Variants in ABCB1 observed in about 807,000 individuals in gnomAD.
ABCB1 encodes ATP binding cassette subfamily B member 1.
Under a neutral mutation model 142.0 loss-of-function variants are expected in ABCB1, and 69 were observed. The ratio of observed to expected loss-of-function variants is 0.49; its 90% CI spans 0.40 to 0.59. The LOEUF (loss-of-function observed/expected upper bound fraction) is 0.59. Ranked by LOEUF, ABCB1 falls within the 20% of genes least tolerant of loss-of-function variation. ABCB1 has a pLI of 0.00. For synonymous variants in ABCB1, 532 were observed against 539.2 expected, an observed-to-expected ratio of 0.99 and a Z score of 0.18; for missense variants, 1,326 against 1,554.7, an observed-to-expected ratio of 0.85 and a Z score of 2.47.
intron 1 of ABCB1, among the ~76,000 whole-genome samples, chr7:87,678,655 G>C (rs1585078673): frequency 6.6e-6 from 1 of 151,984 alleles, no homozygotes; most frequent in African/African-American, 2.4e-5. Context: ...GAGATTTTTT[G>C]ACTGGGTAAA....
chr7:87,603,758 C>A (rs1159301324), upstream of ABCB1, among the ~76,000 whole-genome samples: 3 of 152,154 alleles, frequency 2.0e-5, no homozygotes, highest in Non-Finnish European at 2.9e-5. Context: ...ACTTCAAAGG[C>A]AGAAAAACTT....
At chr7:87,580,379 C>T (rs1818458107) in intron 4 of ABCB1, among the ~76,000 whole-genome samples, 1 of 152,220 alleles carries the variant, frequency 6.6e-6, no homozygotes, top group African/African-American at 2.4e-5. Context: ...ACGCTACTCT[C>T]TTCAGACCTG....
Position 87,531,422 on chromosome 7 carries a change from A to T in ABCB1, c.2557T>A (p.Tyr853Asn), listed in dbSNP as rs557586335. Residue 853 changes from tyrosine to asparagine, a missense_variant, in exon 21 of 28, where the codon TAT becomes AAT. Transcript: ENST00000622132. Reference sequence around the variant, plus strand: ...AGTAACAGTGTTAGTTGCCAACCATAGATGAAGGATATAATTATTCCTGTC... The same window carrying T: ...AGTAACAGTGTTAGTTGCCAACCATTGATGAAGGATATAATTATTCCTGTC... ...LGTGIIISFIYGWQLTLLLLA... is the reference protein window; with the variant it reads ...LGTGIIISFINGWQLTLLLLA... 1.2e-6 allele frequency: 2 copies of T among 1,613,526 alleles called. No homozygotes were observed. The highest frequency in any genetic ancestry group is 2.2e-5 in the South Asian group (2 of 91,076).
Position 87,550,262 on chromosome 7 carries a change from C to T in ABCB1, c.1259G>A (p.Gly420Glu), listed in dbSNP as rs1584871577. The stretch of plus-strand genomic sequence containing the variant: ...GTTTCCAACCAGGGCCACCGTCTGC[C>T]CACTCTGCACCTTCAGGTTCAGACC... ...LKGLNLKVQS[G>E]QTVALVGNSG... is the part of the protein sequence containing the mutation. The change falls in exon 12 of 28, where the codon GGG becomes GAG. Residue 420 changes from glycine (G) to glutamate (E), a missense_variant. Coordinates refer to ENST00000622132, the MANE Select transcript of ABCB1 (RefSeq NM_001348946.2). The T allele has an allele frequency of 6.2e-7, 1 of 1,614,194 alleles. No individual in the cohort carries two copies. The highest frequency in any genetic ancestry group is 8.5e-7 in the Non-Finnish European group (1 of 1,180,030).
chr7:87,580,591 T>G (rs1240624305), intron 4 of ABCB1, among the ~76,000 whole-genome samples: 1 of 152,214 alleles, frequency 6.6e-6, no homozygotes, highest in Non-Finnish European at 1.5e-5. Context: ...TACTGATATC[T>G]TTCTTTAGGC....
intron 1 of ABCB1, among the ~76,000 whole-genome samples, chr7:87,625,876 T>C (rs998649847): frequency 6.6e-6 from 1 of 151,916 alleles, no homozygotes; most frequent in Non-Finnish European, 1.5e-5. Context: ...AAAGTCTGAC[T>C]AAATTGTTTT....
chr7:87,646,492 C>T (rs1268436825), intron 1 of ABCB1, among the ~76,000 whole-genome samples: 1 of 152,092 alleles, frequency 6.6e-6, no homozygotes, highest in African/African-American at 2.4e-5. Context: ...GCATTACTAT[C>T]TTAAATGGCA....
At chr7:87,542,475 C>T (rs370704037) in intron 17 of ABCB1, among the ~76,000 whole-genome samples, 6 of 152,080 alleles carry the variant, frequency 3.9e-5, no homozygotes, top group Admixed American at 1.3e-4. Flanking sequence ...CCAGGCAATC[C>T]GATGCAGAGC....
upstream of ABCB1, among the ~76,000 whole-genome samples, chr7:87,603,882 G>A (rs572832244): frequency 2.6e-5 from 4 of 152,204 alleles, no homozygotes; most frequent in Admixed American, 2.6e-4. Context: ...TAATGTTATG[G>A]CAAGATTAAG....
At chr7:87,541,892 C>T (rs1816555878) in intron 17 of ABCB1, among the ~76,000 whole-genome samples, 1 of 152,200 alleles carries the variant, frequency 6.6e-6, no homozygotes, top group East Asian at 1.9e-4. Flanking sequence ...GTCATTCACT[C>T]AGCCCAGGCC....
intron 1 of ABCB1, among the ~76,000 whole-genome samples, chr7:87,711,317 ACT>A (rs944592273): frequency 6.6e-6 from 1 of 151,498 alleles, no homozygotes; most frequent in Non-Finnish European, 1.5e-5. Context: ...CAAGAGAGAA[ACT>A]CTGTCTCAAA....
At chr7:87,600,298 G>C (rs954039508) in intron 1 of ABCB1, 108 bp from the exon 2 acceptor site, 10 of 882,832 alleles carry the variant, frequency 1.1e-5, no homozygotes, top group Non-Finnish European at 3.6e-6. Flanking sequence ...AAGAGGGAGC[G>C]CCCGCCGTTG....
At chr7:87,649,655 GTTTTGC>G (rs1417139215) in intron 1 of ABCB1, among the ~76,000 whole-genome samples, 1 of 152,006 alleles carries the variant, frequency 6.6e-6, no homozygotes, top group East Asian at 1.9e-4. Flanking sequence ...AGATTTGCAG[GTTTTGC>G]TATTTATAAG....
At chr7:87,594,181 A>T (rs961216177) in intron 3 of ABCB1, among the ~76,000 whole-genome samples, 1 of 152,232 alleles carries the variant, frequency 6.6e-6, no homozygotes, top group African/African-American at 2.4e-5. Flanking sequence ...TACTTCATCA[A>T]GAGACTTAGA....
In ABCB1 at chr7:87,553,801, A is replaced by G. The variant is rs1363711355; in HGVS notation, c.959T>C (p.Leu320Ser). The change falls in exon 9 of 28, where the codon TTG becomes TCG. Residue 320 changes from leucine (L) to serine (S), a missense_variant. Physicochemically the swap from Leu to Ser is moderately radical, Grantham distance 145. Transcript: ENST00000622132. ...AATAGAATATTCCCCTGAGAGGACCAAGGTGGTCCCATACCAGAAGGCCAG... is the reference window on the plus strand; with the variant it reads ...AATAGAATATTCCCCTGAGAGGACCGAGGTGGTCCCATACCAGAAGGCCAG... ...YALAFWYGTTLVLSGEYSIGQ... is the reference protein window; with the variant it reads ...YALAFWYGTTSVLSGEYSIGQ... The G allele has an allele frequency of 5.0e-6, 8 of 1,614,174 alleles. No individual in the cohort carries two copies. In the Admixed American group the frequency reaches 1.2e-4, roughly 24 times the overall value.
intron 16 of ABCB1, 79 bp from the exon 17 acceptor site, chr7:87,544,354 A>G (rs1584864863): frequency 7.4e-7 from 1 of 1,359,486 alleles, no homozygotes; most frequent in East Asian, 2.3e-5. Context: ...AAAAATTAGT[A>G]AAGGAATATA....
intron 4 of ABCB1, among the ~76,000 whole-genome samples, chr7:87,580,056 T>C (rs1202174): frequency 0.67 from 101,259 of 152,058 alleles, 34,286 homozygotes; most frequent in East Asian, 0.93. Context: ...TTTTAGCCTT[T>C]CTACTCAAGA....
chr7:87,628,711 C>T (rs146820683), intron 1 of ABCB1: 17,205 of 631,092 alleles, frequency 0.027, 255 homozygotes, highest in Middle Eastern at 0.037. Flanking sequence ...AGGCTCCTTT[C>T]CTACATCCTT....
chr7:87,504,332 T>C lies in ABCB1; in HGVS notation c.3754A>G (p.Lys1252Glu), dbSNP rs1444127505. 6.2e-7 allele frequency: 1 copy of C among 1,613,944 alleles called. No individual in the cohort carries two copies. The highest frequency in any genetic ancestry group is 2.2e-5 in the East Asian group (1 of 44,902). ...AGCTGCTGATGCGTGCCATGCTCCT[T>C]GACTCTGCCATTCTGAAACACCACT... ...LIVVFQNGRVKEHGTHQQLLA... is the reference protein window; with the variant it reads ...LIVVFQNGRVEEHGTHQQLLA... Residue 1252 changes from lysine (K) to glutamate (E), a missense_variant, in exon 28 of 28, where the codon AAG (lysine) becomes GAG (glutamate). Coordinates refer to ENST00000622132, the MANE Select transcript of ABCB1 (RefSeq NM_001348946.2).
Sources: gnomAD v4.1 joint callset for allele counts (sites outside exome capture counted in the v4.1 genomes callset) on GRCh38, gnomAD v4.1.1 for gene constraint, MANE v1.5 for transcripts, NCBI Gene and HGNC (gene_info 2026-07-23, HGNC 2026-07-21) for gene names.